The following TANC2 variants were observed in gnomAD, a reference collection of about 807,000 sequenced individuals.
TANC2 encodes protein TANC2.
In TANC2, 26 loss-of-function variants were observed where a neutral mutation model predicts 210.5. The ratio of observed to expected loss-of-function variants is 0.12; its 90% CI spans 0.09 to 0.17. The LOEUF (loss-of-function observed/expected upper bound fraction) is 0.17, where lower values mean the gene tolerates loss of function less well. Among genes scored for constraint, TANC2 ranks in the 10% least tolerant of loss-of-function variants. TANC2 has a pLI of 1.00. For missense variants in TANC2, 2,129 were observed against 2,608.9 expected (o/e 0.82, Z 4.01); for synonymous variants, 931 against 967.1 (o/e 0.96, Z 0.69).
chr17:63,426,936 G>C (rs1022623521), exon 28 of TANC2: 1 of 152,216 alleles, frequency 6.6e-6, no homozygotes, highest in Non-Finnish European at 1.5e-5. Flanking sequence ...GGAAAATTCA[G>C]TACTTGAATG....
intron 5 of TANC2, chr17:63,182,243 G>A (rs969504760): frequency 2.2e-5 from 4 of 184,322 alleles, no homozygotes; most frequent in South Asian, 1.2e-4. Context: ...TATTAAAGAG[G>A]CATATTGGAA....
intron 8 of TANC2, among the ~76,000 whole-genome samples, chr17:63,243,400 G>A (rs910387035): frequency 1.3e-5 from 2 of 152,066 alleles, no homozygotes; most frequent in African/African-American, 4.8e-5. Flanking sequence ...TTTATGAGAA[G>A]ACAGATAAAA....
At chr17:63,313,077 A>G (rs1398417672) in intron 9 of TANC2, among the ~76,000 whole-genome samples, 1 of 152,154 alleles carries the variant, frequency 6.6e-6, no homozygotes. Flanking sequence ...TGGTTCAAGT[A>G]TGTTCTAGAG....
At chr17:63,019,813 T>C (rs2034269855) in intron 2 of TANC2, among the ~76,000 whole-genome samples, 1 of 44,516 alleles carries the variant, frequency 2.2e-5, no homozygotes, top group Non-Finnish European at 4.6e-5. Flanking sequence ...CTGTCTTCAA[T>C]TGGATGTATG....
At position 63,102,388 on chromosome 17, in the gene TANC2, G is replaced by A. The variant is rs1001369700; in HGVS notation, c.322+3031G>A. ...CAGAAGCCACAGTTTTTAGGGTCAC[G>A]GTAAGGAGCCTACTCTGATTGCAGG... On this transcript the variant is annotated intron_variant, in intron 4 of 27. Coordinates refer to ENST00000689528, the Ensembl canonical transcript of TANC2. Among the ~76,000 whole-genome samples, 3 of 150,040 alleles carry A rather than the reference G, an allele frequency of 2.0e-5. 1 individual carries two copies. Among genetic ancestry groups the A allele is most frequent in the Admixed American group, 6.6e-5 (1 of 15,082 alleles).
intron 11 of TANC2, among the ~76,000 whole-genome samples, chr17:63,330,286 A>T (rs1431813343): frequency 6.6e-6 from 1 of 152,254 alleles, no homozygotes; most frequent in African/African-American, 2.4e-5. Context: ...TAAAAGTGCA[A>T]GGTGAAGCAG....
rs1001433722 is a variant in TANC2 at position 63,388,768 on chromosome 17, A to G, written c.2814+11A>G. ...ACTCCAAATATAAAGGTAAATTTAT[A>G]AAGAAATTATAAATATGATAAGGAA... is the stretch of plus-strand genomic sequence containing the variant. On this transcript the variant is annotated intron_variant, in intron 16 of 27. Coordinates refer to ENST00000689528, the Ensembl canonical transcript of TANC2. 12 of 1,501,634 alleles carry G rather than the reference A, an allele frequency of 8.0e-6. No individual in the cohort carries two copies. In the African/African-American group the frequency reaches 1.4e-4, roughly 18 times the overall value. 93.0% of individuals were successfully genotyped at this position (1,501,634 alleles called of 1,614,324 possible).
chr17:63,298,422 T>C (rs547145697), intron 9 of TANC2, among the ~76,000 whole-genome samples: 1 of 152,298 alleles, frequency 6.6e-6, no homozygotes, highest in African/African-American at 2.4e-5. Flanking sequence ...TGAATTATGC[T>C]AAGTGAGAGA....
intron 2 of TANC2, among the ~76,000 whole-genome samples, chr17:63,014,711 T>TA (rs2034027957): frequency 6.6e-6 from 1 of 152,196 alleles, no homozygotes; most frequent in East Asian, 1.9e-4. Flanking sequence ...TAGTAGAAAT[T>TA]ATATTATTAA....
At chr17:63,201,913 T>C (rs1265156982) in intron 7 of TANC2, among the ~76,000 whole-genome samples, 1 of 152,202 alleles carries the variant, frequency 6.6e-6, no homozygotes, top group Non-Finnish European at 1.5e-5. Flanking sequence ...TCATAGGATA[T>C]TTCTAGCTCA....
chr17:63,064,445 C>G (rs899537126), intron 2 of TANC2, among the ~76,000 whole-genome samples: 1 of 152,020 alleles, frequency 6.6e-6, no homozygotes, highest in Non-Finnish European at 1.5e-5. Context: ...GGTGACAGAG[C>G]GAGACCCTAT....
At chr17:63,405,318 T>A in intron 20 of TANC2, 63 bp downstream of exon 20, 2 of 1,453,472 alleles carry the variant, frequency 1.4e-6, no homozygotes, top group Non-Finnish European at 1.8e-6. Context: ...GGACTTCTGA[T>A]GCACAGAGCA....
At position 63,217,985 on chromosome 17, in the gene TANC2, CA is replaced by C. The variant is rs371382046; in HGVS notation, c.769+17038del. On this transcript the variant is annotated intron_variant, in intron 7 of 27. Coordinates refer to ENST00000689528, the Ensembl canonical transcript of TANC2. ...AAACTGTATGATCATCTGATAAATA[CA>C]AAAAAAAAACAGCATTGGTTAGGCA... 8.9e-3 allele frequency among the ~76,000 whole-genome samples: 1,284 copies of C among 144,688 alleles called. 15 individuals carry two copies. Among genetic ancestry groups the C allele is most frequent in the African/African-American group, 0.03 (1,171 of 39,596 alleles). The allele number at this position is 144,688 out of a possible 152,430, so 94.9% of individuals were successfully genotyped here.
chr17:63,234,380 A>G (rs1337926333), intron 7 of TANC2, among the ~76,000 whole-genome samples: 2 of 152,208 alleles, frequency 1.3e-5, no homozygotes, highest in African/African-American at 2.4e-5. Flanking sequence ...GATAACATAT[A>G]CACTCATATC....
chr17:62,985,073 T>G (rs1417367164), intron 1 of TANC2, among the ~76,000 whole-genome samples: 2 of 152,224 alleles, frequency 1.3e-5, no homozygotes, highest in African/African-American at 4.8e-5. Context: ...CAGTCTAATG[T>G]TGATAAATTC....
At chr17:63,178,304 G>A (rs570535946) in intron 5 of TANC2, among the ~76,000 whole-genome samples, 2 of 152,234 alleles carry the variant, frequency 1.3e-5, no homozygotes, top group East Asian at 3.9e-4. Context: ...CTGCACTCCA[G>A]CCTGGGCGAC....
chr17:63,102,381 G>A (rs531579182), intron 4 of TANC2, among the ~76,000 whole-genome samples: 16 of 150,240 alleles, frequency 1.1e-4, no homozygotes, highest in African/African-American at 3.9e-4. Context: ...ACAGTTTTTA[G>A]GGTCACGGTA....
In TANC2 at chr17:63,362,174, G is replaced by T. The variant is rs139900691; in HGVS notation, c.2582+6784G>T. Reference sequence around the variant, plus strand: ...CTATCTACAGGCAGGTTGTCCCATCGAGTGTTCAGCTCTCAGGGGAGAGGA... The same window carrying T: ...CTATCTACAGGCAGGTTGTCCCATCTAGTGTTCAGCTCTCAGGGGAGAGGA... On this transcript the variant is annotated intron_variant, in intron 14 of 27. Coordinates refer to ENST00000689528, the Ensembl canonical transcript of TANC2. Among the ~76,000 whole-genome samples, 622 of 152,146 alleles carry T rather than the reference G, an allele frequency of 4.1e-3. 2 individuals are homozygous for T. The highest frequency in any genetic ancestry group is 0.02 in the Middle Eastern group (6 of 294).
chr17:63,354,556 CT>C (rs1342275662), intron 13 of TANC2, among the ~76,000 whole-genome samples: 13 of 152,278 alleles, frequency 8.5e-5, no homozygotes, highest in Non-Finnish European at 4.4e-5. Context: ...CAAAAGCACT[CT>C]TTACAAAGAC....
Sources: gnomAD v4.1 joint callset for allele counts (sites outside exome capture counted in the v4.1 genomes callset) on GRCh38, gnomAD v4.1.1 for gene constraint, MANE v1.5 for transcripts, NCBI Gene and HGNC (gene_info 2026-07-23, HGNC 2026-07-21) for gene names.